The following NEK4 variants were observed in gnomAD, a reference collection of about 807,000 sequenced individuals.
NEK4 encodes the protein serine/threonine-protein kinase Nek4.
NEK4 carries 86 observed loss-of-function variants against 98.4 expected under a neutral mutation model. The observed-to-expected ratio is 0.87, with a 90% CI of 0.73 to 1.05. The LOEUF is 1.05. Among genes scored for constraint, NEK4 ranks in the 50% least tolerant of loss-of-function variants. The probability of loss-of-function intolerance (pLI) is 0.00; values close to 1 mark genes in which losing one functional copy is unlikely to be tolerated. For synonymous variants in NEK4, 328 were observed against 342.2 expected (o/e 0.96, Z 0.46); for missense variants, 898 against 950.3 (o/e 0.94, Z 0.72).
At position 52,711,598 on chromosome 3, in the gene NEK4, C is replaced by A; in HGVS notation, c.*179G>T. The A allele has an allele frequency of 2.2e-6, 1 of 458,112 alleles. No individual in the cohort carries two copies. Among genetic ancestry groups the A allele is most frequent in the Non-Finnish European group, 3.9e-6 (1 of 255,018 alleles). 28.4% of individuals were successfully genotyped at this position (458,112 alleles called of 1,614,324 possible). Reference sequence around the variant, plus strand: ...GCCAAAGTTTTTTTTCTTTTGTGATCCTGCTTCATATTATTCTGTTCTGTC... The same window carrying A: ...GCCAAAGTTTTTTTTCTTTTGTGATACTGCTTCATATTATTCTGTTCTGTC... On this transcript the variant is annotated 3_prime_UTR_variant, in exon 16 of 16. Coordinates refer to ENST00000233027, the MANE Select transcript of NEK4 (RefSeq NM_003157.6).
At chr3:52,745,484 C>A (rs1164174268) in intron 10 of NEK4, among the ~76,000 whole-genome samples, 1 of 151,616 alleles carries the variant, frequency 6.6e-6, no homozygotes, top group Non-Finnish European at 1.5e-5. Context: ...GAGGCTGAGG[C>A]AGGAGAATTG....
chr3:52,739,745 A>G lies in NEK4; in HGVS notation c.2094-111T>C. ...GAATTATCCTTTGAAATGTCCAAGT[A>G]AGTTCCTACAGACTGACCTGACCCT... On this transcript the variant is annotated intron_variant, in intron 13 of 15. Transcript: ENST00000233027. The G allele has an allele frequency of 3.5e-6, 3 of 867,930 alleles. 1 individual carries two copies. In the South Asian group the frequency reaches 4.7e-5, roughly 14 times the overall value. The allele number at this position is 867,930 out of a possible 1,614,324, so 53.8% of individuals were successfully genotyped here. A position where few individuals can be genotyped will look rare whatever the true frequency, so the allele number is the denominator to read the frequency against.
intron 15 of NEK4, among the ~76,000 whole-genome samples, chr3:52,737,269 A>T (rs1376513225): frequency 1.3e-5 from 2 of 152,166 alleles, no homozygotes; most frequent in African/African-American, 4.8e-5. Context: ...CCTTAAAAAA[A>T]AAAAAGTGTC....
chr3:52,716,915 A>G (rs577284195), intron 15 of NEK4, among the ~76,000 whole-genome samples: 1 of 152,326 alleles, frequency 6.6e-6, no homozygotes, highest in South Asian at 2.1e-4. Flanking sequence ...AGGCAAGAAC[A>G]CAGGCCTTTG....
rs180821211 is a variant in NEK4 at position 52,768,378 on chromosome 3, T to C, written c.320A>G (p.Gln107Arg). The change falls in exon 2 of 16, where the codon CAG becomes CGG. Residue 107 changes from glutamine to arginine, a missense_variant. Gln to Arg is a conservative substitution (Grantham distance 43). Coordinates refer to ENST00000233027, the MANE Select transcript of NEK4 (RefSeq NM_003157.6). The stretch of plus-strand genomic sequence containing the variant: ...GATCTGTACAAACCACTCTACCACC[T>C]GATTCTCAGGCAGAAGCTGCCCTTT... The part of the protein sequence containing the change: ...EQKGQLLPEN[Q>R]VVEWFVQIAM... 1.9e-6 allele frequency: 3 copies of C among 1,614,192 alleles called. No homozygotes were observed. Among genetic ancestry groups the C allele is most frequent in the East Asian group, 4.5e-5 (2 of 44,888 alleles).
Position 52,763,571 on chromosome 3 carries a change from TG to T in NEK4, c.719del (p.Thr240LysfsTer3), listed in dbSNP as rs767787472. The stretch of plus-strand genomic sequence containing the variant: ...TTTCTTCAGGCCTTTTGCTCAGCAT[TG>T]TTCTTATCAGTTCTGCCAGCTCTGG... Reference protein sequence around the residue: ...YSPELAELIRTMLSKRPEERP... With the variant: ...YSPELAELIRXMLSKRPEERP... On this transcript the variant is annotated frameshift_variant, in exon 5 of 16. Coordinates refer to ENST00000233027, the MANE Select transcript of NEK4 (RefSeq NM_003157.6). LOFTEE classifies it high-confidence loss of function. 6.2e-7 allele frequency: 1 copy of T among 1,613,876 alleles called. No homozygotes were observed. The highest frequency in any genetic ancestry group is 8.5e-7 in the Non-Finnish European group (1 of 1,179,814).
rs770335878 is a variant in NEK4, at chr3:52,739,449, T to C, written c.2279A>G (p.His760Arg). The C allele has an allele frequency of 1.9e-6, 3 of 1,614,028 alleles. No homozygotes were observed. In the African/African-American group the frequency reaches 4.0e-5, roughly 22 times the overall value. ...GKVAEEAEEIHFKELPSAIMP... is the reference protein window; with the variant it reads ...GKVAEEAEEIRFKELPSAIMP... ...ATCACCTGAAGGTAGCTCTTTAAAA[T>C]GGATTTCCTCTGCCTCTTCTGCAAC... The change falls in exon 14 of 16, where the codon CAT (histidine) becomes CGT (arginine). Residue 760 changes from histidine (H) to arginine (R), a missense_variant. Transcript: ENST00000233027.
chr3:52,744,534 A>C (rs576673310), intron 10 of NEK4, among the ~76,000 whole-genome samples: 1 of 152,072 alleles, frequency 6.6e-6, no homozygotes, highest in Non-Finnish European at 1.5e-5. Context: ...AAATACAAAA[A>C]TTAGCCGAGC....
At position 52,768,405 on chromosome 3, in the gene NEK4, T is replaced by C. The variant is rs777829988; in HGVS notation, c.293A>G (p.Gln98Arg). 4.0e-5 allele frequency: 65 copies of C among 1,614,034 alleles called. No homozygotes were observed. Among genetic ancestry groups the C allele is most frequent in the Middle Eastern group, 1.6e-4 (1 of 6,084 alleles). The change falls in exon 2 of 16, where the codon CAG becomes CGG. Residue 98 changes from glutamine to arginine, a missense_variant. By Grantham distance (43) the Gln-to-Arg change is conservative. Transcript: ENST00000233027. ...GGDLYRKLKE[Q>R]KGQLLPENQV... Reference sequence around the variant, plus strand: ...ATTCTCAGGCAGAAGCTGCCCTTTCTGCTCCTTGAGCTTTCGGTACAAATC... The same window carrying C: ...ATTCTCAGGCAGAAGCTGCCCTTTCCGCTCCTTGAGCTTTCGGTACAAATC...
At chr3:52,739,947 A>C (rs2097383040) in intron 13 of NEK4, among the ~76,000 whole-genome samples, 1 of 152,222 alleles carries the variant, frequency 6.6e-6, no homozygotes, top group Non-Finnish European at 1.5e-5. Context: ...GGGCCTACAG[A>C]AAGGACAGAG....
chr3:52,758,178 C>CAAAAAAAAAAAAAAAAAA (rs35117059), intron 6 of NEK4, among the ~76,000 whole-genome samples: 2 of 62,784 alleles, frequency 3.2e-5, no homozygotes, highest in Non-Finnish European at 5.5e-5. Flanking sequence ...GACACCATCT[C>CAAAAAAAAAAAAAAAAAA]AAAAAAAAAA....
chr3:52,730,147 T>G (rs2097368231), intron 15 of NEK4, among the ~76,000 whole-genome samples: 1 of 152,152 alleles, frequency 6.6e-6, no homozygotes. Context: ...GTAAGAGAAC[T>G]ATGAACAATT....
At chr3:52,753,208 T>C (rs540473885) in intron 6 of NEK4, among the ~76,000 whole-genome samples, 5 of 151,012 alleles carry the variant, frequency 3.3e-5, no homozygotes, top group African/African-American at 9.7e-5. Context: ...GAAGCCTGAG[T>C]GGGAGGATTG....
At chr3:52,727,606 G>A (rs1335247253) in intron 15 of NEK4, among the ~76,000 whole-genome samples, 1 of 152,186 alleles carries the variant, frequency 6.6e-6, no homozygotes, top group Non-Finnish European at 1.5e-5. Flanking sequence ...TTGAGTAGCT[G>A]GGATCACAGG....
At position 52,765,888 on chromosome 3, in the gene NEK4, T is replaced by C. The variant is rs1698538421; in HGVS notation, c.665A>G (p.Lys222Arg). ...NSLVYRIIEG[K>R]LPPMPRDYSP... The stretch of plus-strand genomic sequence containing the variant: ...AATTAGTTCTAGATTATTCTTTACC[T>C]TTCCTTCAATAATCCGATAAACTAA... Residue 222 changes from lysine (K) to arginine (R), a missense_variant and splice_region_variant, in exon 4 of 16, where the codon AAG (lysine) becomes AGG (arginine). Transcript: ENST00000233027. 6.4e-7 allele frequency: 1 copy of C among 1,568,558 alleles called. No homozygotes were observed. Among genetic ancestry groups the C allele is most frequent in the Non-Finnish European group, 8.8e-7 (1 of 1,139,416 alleles).
chr3:52,716,916 C>T (rs2097355644), intron 15 of NEK4, among the ~76,000 whole-genome samples: 1 of 152,210 alleles, frequency 6.6e-6, no homozygotes, highest in Non-Finnish European at 1.5e-5. Context: ...GGCAAGAACA[C>T]AGGCCTTTGT....
intron 15 of NEK4, among the ~76,000 whole-genome samples, chr3:52,722,297 G>A (rs1013446346): frequency 2.0e-5 from 3 of 152,020 alleles, no homozygotes; most frequent in African/African-American, 7.2e-5. Context: ...GGCAAGGTCC[G>A]AGAGCTCAGA....
At chr3:52,760,129 G>A (rs1045451165) in intron 6 of NEK4, among the ~76,000 whole-genome samples, 1 of 152,180 alleles carries the variant, frequency 6.6e-6, no homozygotes, top group Non-Finnish European at 1.5e-5. Context: ...AAATGTTTTG[G>A]AACTACATAG....
In NEK4 at chr3:52,770,742, G is replaced by A. The variant is rs1698752348; in HGVS notation, c.5C>T (p.Pro2Leu). Reference sequence around the variant, plus strand: ...CCGCAGGTAGCAGTAGGCGGCCAGGGGCATGTTCCCAGCGCTGGCCCAGAG... The same window carrying A: ...CCGCAGGTAGCAGTAGGCGGCCAGGAGCATGTTCCCAGCGCTGGCCCAGAG... M[P>L]LAAYCYLRVV... The change falls in exon 1 of 16, where the codon CCC becomes CTC. Residue 2 changes from proline to leucine, a missense_variant. Coordinates refer to ENST00000233027, the MANE Select transcript of NEK4 (RefSeq NM_003157.6). The A allele has an allele frequency of 6.4e-7, 1 of 1,565,526 alleles. No individual in the cohort carries two copies. Among genetic ancestry groups the A allele is most frequent in the Non-Finnish European group, 8.6e-7 (1 of 1,156,344 alleles).
Sources: gnomAD v4.1 joint callset for allele counts (sites outside exome capture counted in the v4.1 genomes callset) on GRCh38, gnomAD v4.1.1 for gene constraint, MANE v1.5 for transcripts, NCBI Gene and HGNC (gene_info 2026-07-23, HGNC 2026-07-21) for gene names.